The following ATP10D variants were observed in gnomAD, a reference collection of about 807,000 sequenced individuals.
ATP10D encodes phospholipid-transporting ATPase VD.
In ATP10D, 89 loss-of-function variants were observed where a neutral mutation model predicts 144.8. That is an observed-to-expected ratio of 0.61 (90% CI 0.52 to 0.73). ATP10D has a LOEUF of 0.73. Ranked by LOEUF, ATP10D falls within the 30% of genes least tolerant of loss-of-function variation. ATP10D has a pLI of 0.00. For missense variants in ATP10D, 1,603 were observed against 1,714.8 expected (o/e 0.93, Z 1.15); for synonymous variants, 571 against 615.1 (o/e 0.93, Z 1.06).
At chr4:47,583,961 C>G (rs1466497406) in intron 21 of ATP10D, among the ~76,000 whole-genome samples, 1 of 152,168 alleles carries the variant, frequency 6.6e-6, no homozygotes, top group Non-Finnish European at 1.5e-5. Context: ...CAAGTCTACT[C>G]TCTTGTGATG....
intron 14 of ATP10D, among the ~76,000 whole-genome samples, chr4:47,562,858 C>G (rs1560447042): frequency 6.6e-6 from 1 of 151,838 alleles, no homozygotes; most frequent in African/African-American, 2.4e-5. Context: ...CACACACACA[C>G]ATATATACAC....
At chr4:47,539,264 T>C (rs1718011515) in intron 9 of ATP10D, among the ~76,000 whole-genome samples, 1 of 152,354 alleles carries the variant, frequency 6.6e-6, no homozygotes, top group African/African-American at 2.4e-5. Flanking sequence ...TAGGTACATG[T>C]ATTTTTAAGT....
chr4:47,580,167 G>A (rs553976650), intron 19 of ATP10D, among the ~76,000 whole-genome samples: 3 of 152,338 alleles, frequency 2.0e-5, no homozygotes, highest in South Asian at 2.1e-4. Context: ...AATTTATCCT[G>A]TAATAAAGGC....
intron 9 of ATP10D, among the ~76,000 whole-genome samples, chr4:47,540,077 C>T (rs911483453): frequency 6.6e-6 from 1 of 152,154 alleles, no homozygotes; most frequent in Non-Finnish European, 1.5e-5. Flanking sequence ...CTTTTTTATG[C>T]AGTGGTTTAA....
intron 16 of ATP10D, among the ~76,000 whole-genome samples, chr4:47,569,998 G>A (rs552525197): frequency 6.6e-6 from 1 of 152,300 alleles, no homozygotes; most frequent in South Asian, 2.1e-4. Context: ...ATCACATAGG[G>A]TCTTAGAGGA....
intron 1 of ATP10D, among the ~76,000 whole-genome samples, chr4:47,509,866 A>G (rs1467751654): frequency 6.6e-6 from 1 of 152,054 alleles, no homozygotes; most frequent in Non-Finnish European, 1.5e-5. Context: ...CTAATATGAG[A>G]GAGAGAAGAA....
chr4:47,550,448 C>A (rs560433927), intron 10 of ATP10D, among the ~76,000 whole-genome samples: 1 of 152,022 alleles, frequency 6.6e-6, no homozygotes, highest in African/African-American at 2.4e-5. Flanking sequence ...AAGGAGTAAA[C>A]CTGAATGTGA....
At chr4:47,582,652 C>T (rs1209011076) in intron 21 of ATP10D, among the ~76,000 whole-genome samples, 1 of 152,160 alleles carries the variant, frequency 6.6e-6, no homozygotes, top group African/African-American at 2.4e-5. Context: ...ACATCAGGAT[C>T]TTGGCACTTA....
rs375191152 is a variant in ATP10D, at chr4:47,582,064, G to A, written c.3753G>A (p.Leu1251=). 2.5e-6 allele frequency: 4 copies of A among 1,611,474 alleles called. No homozygotes were observed. The African/African-American group carries it at 5.3e-5, about 22-fold the overall frequency. The change falls in exon 21 of 23, where the codon TTG becomes TTA. Residue 1251 remains leucine, a splice_region_variant and synonymous_variant. Coordinates refer to ENST00000273859, the MANE Select transcript of ATP10D (RefSeq NM_020453.4). ...ATCTGGTCATTGAAAGCAAGAGTTTGGTGAGTGGTTTTCTTGCCTCTGAAG... is the reference window on the plus strand; with the variant it reads ...ATCTGGTCATTGAAAGCAAGAGTTTAGTGAGTGGTTTTCTTGCCTCTGAAG... ...LLHLVIESKS[L]TWIHLLVIIG...
At position 47,508,923 on chromosome 4, in the gene ATP10D, T is replaced by C. The variant is rs144584873; in HGVS notation, c.-37-3581T>C. ...TCTCTGAAGTCTAAGCCTTAAGATA[T>C]TATGATTTGTGATAACGCTTGATGA... On this transcript the variant is annotated intron_variant, in intron 1 of 22. Transcript: ENST00000273859. Among the ~76,000 whole-genome samples, 19 of 152,340 alleles carry C rather than the reference T, an allele frequency of 1.2e-4. No individual in the cohort carries two copies. In the East Asian group the frequency reaches 3.3e-3, roughly 26 times the overall value.
intron 10 of ATP10D, among the ~76,000 whole-genome samples, chr4:47,552,503 G>A (rs1365147833): frequency 2.0e-5 from 3 of 152,164 alleles, no homozygotes; most frequent in Non-Finnish European, 4.4e-5. Context: ...CCTTGGACCT[G>A]TTTTATAAGG....
At chr4:47,507,754 A>AAGTGCAT (rs1227810369) in intron 1 of ATP10D, among the ~76,000 whole-genome samples, 1 of 152,238 alleles carries the variant, frequency 6.6e-6, no homozygotes, top group African/African-American at 2.4e-5. Context: ...ACACTATGGC[A>AAGTGCAT]AGTGCATATG....
intron 14 of ATP10D, among the ~76,000 whole-genome samples, chr4:47,562,836 T>C (rs1250935647): frequency 3.3e-5 from 5 of 151,632 alleles, no homozygotes; most frequent in Non-Finnish European, 5.9e-5. Context: ...TGATATAATA[T>C]ATATATATAC....
chr4:47,563,495 A>G, intron 14 of ATP10D, 86 bp from the exon 15 acceptor site: 2 of 1,262,310 alleles, frequency 1.6e-6, no homozygotes, highest in South Asian at 1.5e-5. Flanking sequence ...TGAGTTGGCT[A>G]ACAGATATGA....
At chr4:47,535,686 A>G (rs1717809642) in intron 6 of ATP10D, 71 bp downstream of exon 6, 4 of 1,492,564 alleles carry the variant, frequency 2.7e-6, no homozygotes, top group Non-Finnish European at 3.6e-6. Flanking sequence ...CATTTACTCA[A>G]AAATGCAATC....
rs993639742 is a variant in ATP10D at position 47,580,280 on chromosome 4, C to G, written c.3568-118C>G. ...TTATCTTTACCTCTGTTGACAAATA[C>G]CACTTGAAGAAATGGAGCTTTCTCT... On this transcript the variant is annotated intron_variant, in intron 19 of 22. Coordinates refer to ENST00000273859, the MANE Select transcript of ATP10D (RefSeq NM_020453.4). 4 of 815,206 alleles carry G rather than the reference C, an allele frequency of 4.9e-6. No individual in the cohort carries two copies. The Admixed American group carries it at 7.8e-5, about 16-fold the overall frequency. The allele number at this position is 815,206 out of a possible 1,614,324, so 50.5% of individuals were successfully genotyped here.
chr4:47,554,705 A>G (rs769955842), intron 10 of ATP10D, 21 bp from the exon 11 acceptor site: 133 of 1,567,342 alleles, frequency 8.5e-5, no homozygotes, highest in Non-Finnish European at 1.1e-4. Context: ...ATAACAACAC[A>G]CTGTCTTATT....
intron 1 of ATP10D, among the ~76,000 whole-genome samples, chr4:47,504,798 G>T (rs978512618): frequency 1.3e-5 from 2 of 152,280 alleles, no homozygotes; most frequent in African/African-American, 4.8e-5. Flanking sequence ...CTAGGTCAAG[G>T]AGACTTTCAT....
chr4:47,563,812 T>C, intron 15 of ATP10D, 47 bp downstream of exon 15: 1 of 1,442,320 alleles, frequency 6.9e-7, no homozygotes, highest in South Asian at 1.5e-5. Flanking sequence ...TTCAAAGGCA[T>C]TGGAACATTT....
Sources: allele counts gnomAD v4.1 joint callset (sites outside exome capture counted in the v4.1 genomes callset), GRCh38; gene constraint gnomAD v4.1.1; transcripts MANE v1.5; gene names NCBI Gene and HGNC (gene_info 2026-07-23, HGNC 2026-07-21).